The following OTUD6B variants were observed in gnomAD, a reference collection of about 807,000 sequenced individuals.
The protein encoded by OTUD6B is OTU deubiquitinase 6B, also known as deubiquitinase OTUD6B.
In OTUD6B, 41 loss-of-function variants were observed where a neutral mutation model predicts 36.9. The ratio of observed to expected loss-of-function variants is 1.11; its 90% confidence interval spans 0.87 to 1.44. OTUD6B has a LOEUF of 1.44. Ranked by LOEUF, OTUD6B falls within the 40% of genes most tolerant of loss-of-function variation. The pLI is 0.00. For missense variants in OTUD6B, 356 were observed against 344.8 expected (o/e 1.03, Z -0.26); for synonymous variants, 114 against 114.2 (o/e 1.00, Z 0.01).
At chr8:91,082,584 G>T (rs1454311137) in intron 5 of OTUD6B, among the ~76,000 whole-genome samples, 2 of 151,708 alleles carry the variant, frequency 1.3e-5, no homozygotes, top group African/African-American at 4.8e-5. Context: ...GGTCTCGAAC[G>T]CCTGAGTTCA....
chr8:91,077,606 CT>C (rs1008497284), intron 3 of OTUD6B, among the ~76,000 whole-genome samples: 79 of 152,114 alleles, frequency 5.2e-4, no homozygotes, highest in African/African-American at 1.9e-3. Context: ...CCACTCCATC[CT>C]TGCATATGTT....
chr8:91,081,006 G>A (rs867725518), intron 5 of OTUD6B, among the ~76,000 whole-genome samples: 5 of 152,202 alleles, frequency 3.3e-5, no homozygotes, highest in East Asian at 1.9e-4. Context: ...TCTTTTCATC[G>A]TGATAGTAGT....
At chr8:91,076,534 T>G in intron 3 of OTUD6B, 5 of 1,523,786 alleles carry the variant, frequency 3.3e-6, no homozygotes, top group Non-Finnish European at 4.4e-6. Flanking sequence ...TTTCAGTAAA[T>G]AGTACATGAC....
rs1813009959 is a variant in OTUD6B, at chr8:91,086,118, T to C, written c.*1250T>C. On this transcript the variant is annotated 3_prime_UTR_variant, in exon 7 of 7. Coordinates refer to ENST00000404789, the MANE Select transcript of OTUD6B (RefSeq NM_016023.5). ...GTCTCTCATAATTTATGTAAGGAAA[T>C]ATTATGAAAATGAGACTTTTTTAGT... 6.6e-6 allele frequency: 1 copy of C among 152,112 alleles called. No individual in the cohort carries two copies. The highest frequency in any genetic ancestry group is 2.4e-5 in the African/African-American group (1 of 41,452). The allele number at this position is 152,112 out of a possible 1,614,324, so 9.4% of individuals were successfully genotyped here. A position where few individuals can be genotyped will look rare whatever the true frequency, so the allele number is the denominator to read the frequency against.
chr8:91,071,924 C>G (rs1231187601), intron 2 of OTUD6B, among the ~76,000 whole-genome samples: 1 of 152,186 alleles, frequency 6.6e-6, no homozygotes, highest in Non-Finnish European at 1.5e-5. Context: ...CTTAATCTTT[C>G]TGAGCTCAAA....
chr8:91,081,877 G>A (rs1812914234), intron 5 of OTUD6B, among the ~76,000 whole-genome samples: 2 of 152,126 alleles, frequency 1.3e-5, no homozygotes, highest in Admixed American at 6.5e-5. Flanking sequence ...AATGTTCATA[G>A]TAGCTTTGTT....
chr8:91,083,449 T>TTTGTGCAGGCAGGGC (rs1438235702), intron 5 of OTUD6B, among the ~76,000 whole-genome samples: 1 of 152,112 alleles, frequency 6.6e-6, no homozygotes, highest in Non-Finnish European at 1.5e-5. Flanking sequence ...TTACAAAGCT[T>TTTGTGCAGGCAGGGC]TTGTGCAGGC....
At chr8:91,077,800 G>A (rs1302168271) in intron 3 of OTUD6B, among the ~76,000 whole-genome samples, 1 of 152,044 alleles carries the variant, frequency 6.6e-6, no homozygotes, top group Non-Finnish European at 1.5e-5. Flanking sequence ...TGGGATGGCA[G>A]TGGTGTTATG....
chr8:91,078,707 G>T, intron 4 of OTUD6B, 39 bp downstream of exon 4: 1 of 1,398,764 alleles, frequency 7.1e-7, no homozygotes, highest in Non-Finnish European at 9.7e-7. Flanking sequence ...TTGTTGCTTT[G>T]TTGTAGTTGT....
chr8:91,082,470 T>A (rs1018215613), intron 5 of OTUD6B, among the ~76,000 whole-genome samples: 1 of 151,870 alleles, frequency 6.6e-6, no homozygotes, highest in Admixed American at 6.6e-5. Context: ...AGTCTCAATC[T>A]TCTAGGCTTA....
chr8:91,080,641 G>A, intron 4 of OTUD6B, 28 bp from the exon 5 acceptor site: 1 of 1,569,312 alleles, frequency 6.4e-7, no homozygotes, highest in Non-Finnish European at 8.6e-7. Context: ...AAATTATTAA[G>A]TGCTGTATTC....
intron 3 of OTUD6B, 82 bp from the exon 4 acceptor site, chr8:91,078,273 AC>A (rs1812837179): frequency 6.9e-7 from 1 of 1,456,618 alleles, no homozygotes; most frequent in Admixed American, 2.8e-5. Context: ...AAGTTTTGAG[AC>A]CTTTACATTT....
In OTUD6B at chr8:91,070,355, C is replaced by A. The variant is rs753970424; in HGVS notation, c.-30C>A. 1 of 1,612,824 alleles carries A rather than the reference C, an allele frequency of 6.2e-7. No homozygotes were observed. The highest frequency in any genetic ancestry group is 8.5e-7 in the Non-Finnish European group (1 of 1,179,472). On this transcript the variant is annotated 5_prime_UTR_variant, in exon 1 of 7. Transcript: ENST00000404789. ...GCCTACTAGCCGGTGCAGGTTTCTT[C>A]TAGCGCGTGTGCTGGGGTACCTGGT... is the stretch of plus-strand genomic sequence containing the variant.
chr8:91,080,692 GA>G lies in OTUD6B; in HGVS notation c.653del (p.Asp218ValfsTer3). The G allele has an allele frequency of 6.2e-7, 1 of 1,604,046 alleles. No homozygotes were observed. On this transcript the variant is annotated frameshift_variant, in exon 5 of 7. Coordinates refer to ENST00000404789, the MANE Select transcript of OTUD6B (RefSeq NM_016023.5). LOFTEE classifies it high-confidence loss of function. ...AGAAGAATTTCAGAAGTACTGTGAA[GA>G]TATTGTAAACACAGCTGCATGGGGA... ...TPEEFQKYCE[D>X]IVNTAAWGGQ...
At chr8:91,075,984 A>G (rs4501550) in intron 3 of OTUD6B, among the ~76,000 whole-genome samples, 95,052 of 151,938 alleles carry the variant, frequency 0.63, 30,156 homozygotes, top group South Asian at 0.67. Context: ...GAACTTACAA[A>G]CTTTTTGATA....
chr8:91,072,298 G>C (rs1262415691), intron 2 of OTUD6B, among the ~76,000 whole-genome samples: 1 of 152,142 alleles, frequency 6.6e-6, no homozygotes, highest in Non-Finnish European at 1.5e-5. Flanking sequence ...TCCAGGAGTC[G>C]TAACAGCTGT....
At chr8:91,072,844 G>A (rs998734179) in intron 2 of OTUD6B, among the ~76,000 whole-genome samples, 2 of 152,120 alleles carry the variant, frequency 1.3e-5, no homozygotes, top group African/African-American at 4.8e-5. Flanking sequence ...GAGTCCTACT[G>A]TTAAAACACA....
chr8:91,078,299 A>C, intron 3 of OTUD6B, 57 bp from the exon 4 acceptor site: 3 of 1,473,820 alleles, frequency 2.0e-6, no homozygotes, highest in Non-Finnish European at 2.7e-6. Flanking sequence ...TCCCTTAATA[A>C]ATGAGAATTA....
chr8:91,072,466 G>A (rs186827689), intron 2 of OTUD6B, among the ~76,000 whole-genome samples: 10 of 152,180 alleles, frequency 6.6e-5, no homozygotes, highest in Non-Finnish European at 4.4e-5. Context: ...TTGATAGAAA[G>A]TTCTTATGTC....
Sources: allele counts gnomAD v4.1 joint callset (sites outside exome capture counted in the v4.1 genomes callset), GRCh38; gene constraint gnomAD v4.1.1; transcripts MANE v1.5; gene names NCBI Gene and HGNC (gene_info 2026-07-23, HGNC 2026-07-21).